Variants in TTLL13 observed in about 807,000 individuals in gnomAD.
TTLL13 encodes tubulin tyrosine ligase like 13.
the TTLL13 span, chr15:90,256,153 C>T: frequency 6.2e-7 from 1 of 1,614,172 alleles, no homozygotes. Context: ...ATGGGGACTT[C>T]CAGTCCTACG....
chr15:90,258,065 G>A, the TTLL13 span: 1 of 1,614,194 alleles, frequency 6.2e-7, no homozygotes, highest in Non-Finnish European at 8.5e-7. Flanking sequence ...ACATCTGGCT[G>A]CAAGAGCACA....
At chr15:90,260,867 A>AAAG in the TTLL13 span, among the ~76,000 whole-genome samples, 1 of 151,272 alleles carries the variant, frequency 6.6e-6, no homozygotes, top group Admixed American at 6.6e-5. Flanking sequence ...AAAAAAAAAA[A>AAAG]AGAGAGAAAG....
chr15:90,259,109 T>C, the TTLL13 span: 1 of 1,378,508 alleles, frequency 7.3e-7, no homozygotes, highest in Non-Finnish European at 9.5e-7. Flanking sequence ...ATATCTGTAA[T>C]CCCAGCACTT....
At chr15:90,255,707 G>A in the TTLL13 span, 1 of 1,613,452 alleles carries the variant, frequency 6.2e-7, no homozygotes, top group South Asian at 1.1e-5. Flanking sequence ...CCAGGTGCTA[G>A]GAAATGCCAC....
At chr15:90,262,762 A>G in the TTLL13 span, 3 of 1,278,922 alleles carry the variant, frequency 2.3e-6, no homozygotes, top group South Asian at 1.6e-5. Flanking sequence ...TCTCCTCCCC[A>G]TGCACAAGAG....
chr15:90,251,939 A>C, the TTLL13 span, among the ~76,000 whole-genome samples: 1 of 152,000 alleles, frequency 6.6e-6, no homozygotes, highest in Non-Finnish European at 1.5e-5. Flanking sequence ...CAGTATTGCA[A>C]TCATAGCTTA....
the TTLL13 span, among the ~76,000 whole-genome samples, chr15:90,257,457 G>C: frequency 1.3e-5 from 2 of 152,042 alleles, no homozygotes; most frequent in African/African-American, 4.8e-5. Flanking sequence ...GAAAAGGTCA[G>C]CACCCGGAGG....
chr15:90,263,668 G>T, the TTLL13 span: 3 of 605,368 alleles, frequency 5.0e-6, no homozygotes, highest in East Asian at 5.5e-5. Flanking sequence ...ATTTTTTTCA[G>T]TTACCTCCTT....
At chr15:90,262,665 AAG>A in the TTLL13 span, 3 of 1,484,990 alleles carry the variant, frequency 2.0e-6, no homozygotes, top group Non-Finnish European at 2.7e-6. Context: ...AACTGGGAGA[AAG>A]AGGTGCCAGG....
At chr15:90,264,700 C>T in the TTLL13 span, 1 of 1,534,232 alleles carries the variant, frequency 6.5e-7, no homozygotes, top group Non-Finnish European at 8.7e-7. Flanking sequence ...AACTCAGGGA[C>T]ATCCATGTTT....
At chr15:90,250,987 T>C in the TTLL13 span, 1 of 1,463,566 alleles carries the variant, frequency 6.8e-7, no homozygotes, top group Non-Finnish European at 9.2e-7. Context: ...ATCTTCCCTT[T>C]AGCCTACAAA....
the TTLL13 span, chr15:90,257,275 C>A: frequency 6.2e-7 from 1 of 1,611,516 alleles, no homozygotes; most frequent in Non-Finnish European, 8.5e-7. Context: ...CCAGCCATAA[C>A]AACCTGGTAA....
the TTLL13 span, among the ~76,000 whole-genome samples, chr15:90,259,395 A>C: frequency 2.6e-3 from 395 of 152,228 alleles, 3 homozygotes; most frequent in African/African-American, 9.2e-3. Flanking sequence ...GTTTCAAAAA[A>C]AAAAAAAGTC....
chr15:90,264,429 C>A, the TTLL13 span, among the ~76,000 whole-genome samples: 4 of 152,128 alleles, frequency 2.6e-5, no homozygotes, highest in African/African-American at 9.7e-5. Flanking sequence ...AATCAGTCTC[C>A]CAAAGTGCTA....
At chr15:90,262,424 C>A in the TTLL13 span, 7 of 1,409,162 alleles carry the variant, frequency 5.0e-6, no homozygotes, top group East Asian at 1.5e-4. Context: ...TCCTCATCCC[C>A]ATTTTTCCTC....
the TTLL13 span, chr15:90,255,988 T>A: frequency 6.3e-7 from 1 of 1,580,438 alleles, no homozygotes; most frequent in Non-Finnish European, 8.6e-7. Flanking sequence ...GGGATGGAAG[T>A]GGAATGAGAA....
chr15:90,258,103 ACATCGAGGACAT>A, the TTLL13 span: 11 of 1,613,992 alleles, frequency 6.8e-6, no homozygotes, highest in Admixed American at 1.0e-4. Context: ...CTGTGGGGGG[ACATCGAGGACAT>A]CATCATCAAA....
At chr15:90,254,578 C>T in the TTLL13 span, among the ~76,000 whole-genome samples, 1 of 148,016 alleles carries the variant, frequency 6.8e-6, no homozygotes, top group African/African-American at 2.5e-5. Flanking sequence ...CGGTGGCTCT[C>T]GTGCCTGAAA....
At chr15:90,263,234 T>C in the TTLL13 span, 216 of 1,213,162 alleles carry the variant, frequency 1.8e-4, 1 homozygote, top group African/African-American at 3.1e-3. Context: ...AGGAGGCTTG[T>C]GTGATGGTAT....
Sources: allele counts gnomAD v4.1 joint callset (sites outside exome capture counted in the v4.1 genomes callset), GRCh38; gene constraint gnomAD v4.1.1; transcripts MANE v1.5; gene names NCBI Gene and HGNC (gene_info 2026-07-23, HGNC 2026-07-21).